CWF19L2: variants seen among roughly 807,000 people sequenced by gnomAD.
CWF19L2 encodes the protein CWF19-like protein 2.
CWF19L2 carries 98 observed loss-of-function variants against 111.7 expected under a neutral mutation model. The ratio of observed to expected loss-of-function variants is 0.88; its 90% CI spans 0.75 to 1.04. The LOEUF is 1.04. CWF19L2 is among the 50% of genes least tolerant of loss of function. The probability of loss-of-function intolerance (pLI) is 0.00; values close to 1 mark genes in which losing one functional copy is unlikely to be tolerated. For synonymous variants in CWF19L2, 351 were observed against 342.9 expected (o/e 1.02, Z -0.26); for missense variants, 1,101 against 1,051.4 (o/e 1.05, Z -0.65).
At chr11:107,383,868 T>C (rs1221516970) in intron 12 of CWF19L2, among the ~76,000 whole-genome samples, 1 of 152,226 alleles carries the variant, frequency 6.6e-6, no homozygotes, top group East Asian at 1.9e-4. Context: ...AAATCTTTCC[T>C]GTGCCCCCAG....
chr11:107,386,149 A>G (rs566407981), intron 12 of CWF19L2, among the ~76,000 whole-genome samples: 1 of 152,234 alleles, frequency 6.6e-6, no homozygotes, highest in African/African-American at 2.4e-5. Flanking sequence ...GCATAGCTGA[A>G]ACTACAGATA....
At chr11:107,336,957 TATATTAGAA>T (rs1859934784) in intron 14 of CWF19L2, among the ~76,000 whole-genome samples, 1 of 152,202 alleles carries the variant, frequency 6.6e-6, no homozygotes, top group South Asian at 2.1e-4. Flanking sequence ...CCACTATGTA[TATATTAGAA>T]ATAGTTTCAG....
chr11:107,345,375 C>T (rs1860065187), intron 14 of CWF19L2: 4 of 381,152 alleles, frequency 1.0e-5, no homozygotes, highest in South Asian at 8.3e-5. Flanking sequence ...AAAGCAACAG[C>T]AATAACAATA....
In CWF19L2 at chr11:107,353,627, G is replaced by A. The variant is rs1323883214; in HGVS notation, c.1982C>T (p.Ala661Val). 1.2e-6 allele frequency: 2 copies of A among 1,613,786 alleles called. No homozygotes were observed. Among genetic ancestry groups the A allele is most frequent in the Admixed American group, 3.3e-5 (2 of 60,024 alleles). Residue 661 changes from alanine (A) to valine (V), a missense_variant, in exon 13 of 18, where the codon GCT (alanine) becomes GTT (valine). Ala to Val is a moderately conservative substitution (Grantham distance 64). Coordinates refer to ENST00000282251, the MANE Select transcript of CWF19L2 (RefSeq NM_152434.3). ...GEEEENQRKK[A>V]IAEHRSLAAQ... ...AGCAAGACTCCGATGCTCAGCAATA[G>A]CTTTTTTCCTTTGGTTCTCTTCCTC...
chr11:107,443,000 T>G lies in CWF19L2; in HGVS notation c.389A>C (p.Lys130Thr). 6.4e-7 allele frequency: 1 copy of G among 1,551,926 alleles called. No homozygotes were observed. Among genetic ancestry groups the G allele is most frequent in the Non-Finnish European group, 8.7e-7 (1 of 1,146,934 alleles). ...ATCTTTCACTTTCCAGGCTTTTTCC[T>G]TGTCAGGAGTCTGGGATGGAACAGC... ...VEAVPSQTPDKEKAWKVKDEK... is the reference protein window; with the variant it reads ...VEAVPSQTPDTEKAWKVKDEK... Residue 130 changes from lysine to threonine, a missense_variant, in exon 4 of 18, where the codon AAG becomes ACG. Transcript: ENST00000282251.
At chr11:107,393,029 T>A (rs946336455) in intron 10 of CWF19L2, 134 bp from the exon 11 acceptor site, 6 of 575,018 alleles carry the variant, frequency 1.0e-5, no homozygotes, top group Non-Finnish European at 1.8e-5. Context: ...TCTCCTGGAT[T>A]TTCATTACTC....
chr11:107,442,823 A>AGG (rs1861648188), intron 4 of CWF19L2, 116 bp downstream of exon 4: 14 of 422,688 alleles, frequency 3.3e-5, no homozygotes, highest in African/African-American at 1.1e-4. Context: ...AGGGAGGGGG[A>AGG]GGGAGGGAGA....
intron 13 of CWF19L2, among the ~76,000 whole-genome samples, chr11:107,351,531 G>A (rs1860156009): frequency 6.6e-6 from 1 of 152,182 alleles, no homozygotes; most frequent in East Asian, 1.9e-4. Flanking sequence ...ATTTGCTAGT[G>A]GTCTAAAAAC....
intron 16 of CWF19L2, among the ~76,000 whole-genome samples, chr11:107,333,774 C>A (rs905975694): frequency 2.6e-5 from 4 of 152,090 alleles, no homozygotes; most frequent in African/African-American, 9.7e-5. Flanking sequence ...AATAAGGAAT[C>A]CTATTAGTTA....
intron 10 of CWF19L2, among the ~76,000 whole-genome samples, chr11:107,393,959 C>A (rs1388181312): frequency 6.6e-6 from 1 of 152,010 alleles, no homozygotes; most frequent in Non-Finnish European, 1.5e-5. Context: ...TGGGTAGAAG[C>A]CCAAACCTCA....
chr11:107,395,026 T>C (rs942302504), intron 10 of CWF19L2, among the ~76,000 whole-genome samples: 3 of 152,162 alleles, frequency 2.0e-5, no homozygotes, highest in Non-Finnish European at 4.4e-5. Flanking sequence ...ACTGAGTGTT[T>C]TATAGCAATT....
intron 10 of CWF19L2, among the ~76,000 whole-genome samples, chr11:107,398,624 A>G: frequency 6.6e-6 from 1 of 152,236 alleles, no homozygotes; most frequent in East Asian, 1.9e-4. Context: ...GGAATAATCA[A>G]GGAAAACTTT....
intron 6 of CWF19L2, among the ~76,000 whole-genome samples, chr11:107,434,144 T>C (rs1861507810): frequency 1.3e-5 from 2 of 151,726 alleles, no homozygotes; most frequent in Non-Finnish European, 2.9e-5. Context: ...GTTGGGTTTC[T>C]ATTTCAAACA....
chr11:107,374,442 C>A (rs1336744219), intron 12 of CWF19L2, among the ~76,000 whole-genome samples: 966 of 98,506 alleles, frequency 9.8e-3, no homozygotes, highest in African/African-American at 0.015. Flanking sequence ...CTCTACAAGC[C>A]AGAAGAGAGT....
chr11:107,386,180 A>AT (rs1485175675), intron 12 of CWF19L2, among the ~76,000 whole-genome samples: 1 of 151,954 alleles, frequency 6.6e-6, no homozygotes, highest in African/African-American at 2.4e-5. Flanking sequence ...TACCCAGCTG[A>AT]TTTTTTATTT....
chr11:107,436,685 A>C (rs769345582), intron 6 of CWF19L2, among the ~76,000 whole-genome samples: 4 of 152,200 alleles, frequency 2.6e-5, no homozygotes, highest in Non-Finnish European at 4.4e-5. Context: ...GAACAAAATC[A>C]CATCAAAGGA....
chr11:107,360,763 C>G (rs1242795043), intron 12 of CWF19L2, among the ~76,000 whole-genome samples: 1 of 152,124 alleles, frequency 6.6e-6, no homozygotes, highest in African/African-American at 2.4e-5. Flanking sequence ...TTTCATTTAC[C>G]TGTTGACCAT....
chr11:107,331,658 G>A (rs1859851436), intron 16 of CWF19L2, among the ~76,000 whole-genome samples: 1 of 152,208 alleles, frequency 6.6e-6, no homozygotes, highest in Non-Finnish European at 1.5e-5. Flanking sequence ...CCAGATTTTT[G>A]AAATAAATCT....
chr11:107,357,897 C>T (rs1336643494), intron 12 of CWF19L2, among the ~76,000 whole-genome samples: 1 of 152,042 alleles, frequency 6.6e-6, no homozygotes, highest in Non-Finnish European at 1.5e-5. Flanking sequence ...AAAAAGTGAA[C>T]AAAACTGCTG....
Sources: allele counts gnomAD v4.1 joint callset (sites outside exome capture counted in the v4.1 genomes callset), GRCh38; gene constraint gnomAD v4.1.1; transcripts MANE v1.5; gene names NCBI Gene and HGNC (gene_info 2026-07-23, HGNC 2026-07-21).